The following DAB1 variants were observed in gnomAD, a reference collection of about 807,000 sequenced individuals.
DAB1 encodes DAB adaptor protein 1.
In DAB1, 15 loss-of-function variants were observed where a neutral mutation model predicts 64.6. The ratio of observed to expected loss-of-function variants is 0.23; its 90% confidence interval spans 0.16 to 0.36. The LOEUF (loss-of-function observed/expected upper bound fraction) is 0.36. DAB1 is among the 10% of genes least tolerant of loss of function. The pLI, the probability that DAB1 is intolerant of heterozygous loss-of-function variation, is 1.00. For missense variants in DAB1, 596 were observed against 706.7 expected, an observed-to-expected ratio of 0.84 and a Z score of 1.78; for synonymous variants, 235 against 251.9, an observed-to-expected ratio of 0.93 and a Z score of 0.64.
rs1031631310 is a variant in DAB1 at position 58,481,322 on chromosome 1, G to A, written n.257+24738C>T. 27 of 382,132 alleles carry A rather than the reference G, an allele frequency of 7.1e-5. 1 individual carries two copies. The highest frequency in any genetic ancestry group is 1.1e-4 in the Non-Finnish European group (25 of 219,500). The allele number at this position is 382,132 out of a possible 1,614,324, so 23.7% of individuals were successfully genotyped here. A position where few individuals can be genotyped will look rare whatever the true frequency, so the allele number is the denominator to read the frequency against. ...GGTATCTTGATTATAACACATAAAA[G>A]AGAACCACTGAAAAATCTACAGTGA... On this transcript the variant is annotated intron_variant and non_coding_transcript_variant, in intron 3 of 20. Coordinates refer to the DAB1 transcript ENST00000485760.
intron 7 of DAB1, among the ~76,000 whole-genome samples, chr1:57,504,657 G>T (rs887883992): frequency 2.6e-5 from 4 of 152,272 alleles, no homozygotes; most frequent in African/African-American, 9.6e-5. Context: ...TACTCCTTAA[G>T]TGTGGGCTGG....
At chr1:57,815,008 T>G (rs2101889077) in intron 6 of DAB1, among the ~76,000 whole-genome samples, 2 of 152,334 alleles carry the variant, frequency 1.3e-5, no homozygotes, top group Admixed American at 1.3e-4. Flanking sequence ...GTCTGGAAAT[T>G]AGTTTCCTGG....
At chr1:57,039,585 T>G (rs1030375921) in intron 9 of DAB1, among the ~76,000 whole-genome samples, 1 of 152,216 alleles carries the variant, frequency 6.6e-6, no homozygotes, top group Non-Finnish European at 1.5e-5. Context: ...AAGGCTGGAC[T>G]GTTCTAGGAG....
chr1:58,254,111 C>T (rs377169256), intron 4 of DAB1, among the ~76,000 whole-genome samples: 1 of 151,564 alleles, frequency 6.6e-6, no homozygotes, highest in Admixed American at 6.6e-5. Flanking sequence ...ACCACATTCA[C>T]TTCAGATCCA....
At chr1:57,923,662 A>C (rs1013999540) in intron 5 of DAB1, among the ~76,000 whole-genome samples, 1 of 152,224 alleles carries the variant, frequency 6.6e-6, no homozygotes, top group African/African-American at 2.4e-5. Context: ...GAAGGAACAA[A>C]AGCAGGGAAT....
At chr1:57,748,219 A>C (rs1052639278) in intron 6 of DAB1, among the ~76,000 whole-genome samples, 4 of 152,208 alleles carry the variant, frequency 2.6e-5, no homozygotes, top group African/African-American at 9.6e-5. Flanking sequence ...CCTTGCCCCA[A>C]TACTAAACTT....
At position 58,219,021 on chromosome 1, in the gene DAB1, C is replaced by G. The variant is rs1328037273; in HGVS notation, n.310-68433G>C. 1.3e-3 allele frequency among the ~76,000 whole-genome samples: 160 copies of G among 125,728 alleles called. 1 individual carries two copies. Among genetic ancestry groups the G allele is most frequent in the African/African-American group, 4.6e-3 (154 of 33,266 alleles). 82.5% of individuals were successfully genotyped at this position (125,728 alleles called of 152,430 possible). A position where few individuals can be genotyped will look rare whatever the true frequency, so the allele number is the denominator to read the frequency against. ...TCTCTCTCTCTCTCTCTCTCTCTCT[C>G]TCTCTGTGTGTGTGTGTGTGTGTTT... is the stretch of plus-strand genomic sequence containing the variant. On this transcript the variant is annotated intron_variant and non_coding_transcript_variant, in intron 4 of 20. Transcript: ENST00000485760.
chr1:58,385,361 A>G (rs1644424421), intron 3 of DAB1, among the ~76,000 whole-genome samples: 1 of 152,198 alleles, frequency 6.6e-6, no homozygotes, highest in East Asian at 1.9e-4. Context: ...TTACTCTTGC[A>G]TGTGTATGCT....
Position 57,071,006 on chromosome 1 carries a change from C to A in DAB1, c.597+17G>T. 6.2e-7 allele frequency: 1 copy of A among 1,608,258 alleles called. No homozygotes were observed. Among genetic ancestry groups the A allele is most frequent in the South Asian group, 1.1e-5 (1 of 91,000 alleles). ...GTCACTCTTGAATCTAAAACCCCGA[C>A]TAGTTTCAGAAATTACCTGGTACAC... On this transcript the variant is annotated intron_variant, in intron 7 of 14. Coordinates refer to ENST00000371236, the MANE Select transcript of DAB1 (RefSeq NM_001365792.1).
At chr1:58,193,083 T>C (rs1657478212) in intron 4 of DAB1, among the ~76,000 whole-genome samples, 1 of 152,344 alleles carries the variant, frequency 6.6e-6, no homozygotes, top group Admixed American at 6.5e-5. Context: ...TGTTGAAATT[T>C]AGTCACTAAT....
At chr1:57,812,335 A>AAAAG (rs1394772635) in intron 6 of DAB1, among the ~76,000 whole-genome samples, 9 of 77,634 alleles carry the variant, frequency 1.2e-4, no homozygotes, top group South Asian at 4.5e-4. Flanking sequence ...AAAAAAAAAA[A>AAAAG]AAAGAAAGAA....
At chr1:57,536,519 A>G (rs995502230) in intron 7 of DAB1, among the ~76,000 whole-genome samples, 2 of 152,148 alleles carry the variant, frequency 1.3e-5, no homozygotes, top group South Asian at 2.1e-4. Flanking sequence ...GGTTCCCAAC[A>G]AAAAGAGGCC....
At chr1:58,417,800 T>C (rs1048033684) in intron 3 of DAB1, among the ~76,000 whole-genome samples, 7 of 152,182 alleles carry the variant, frequency 4.6e-5, no homozygotes, top group African/African-American at 1.7e-4. Context: ...TAGCAAGCAA[T>C]GGGTGAGTTC....
At chr1:57,725,611 T>C (rs774329120) in intron 6 of DAB1, among the ~76,000 whole-genome samples, 1 of 152,124 alleles carries the variant, frequency 6.6e-6, no homozygotes, top group Non-Finnish European at 1.5e-5. Flanking sequence ...CTTGGGAACA[T>C]TGTATCAGAT....
intron 6 of DAB1, among the ~76,000 whole-genome samples, chr1:57,698,104 TA>T (rs1338926558): frequency 1.3e-5 from 2 of 151,716 alleles, no homozygotes; most frequent in African/African-American, 4.8e-5. Flanking sequence ...TTTTTTTTTT[TA>T]GACAGGGTCT....
chr1:57,232,572 TA>T (rs1200470503), intron 2 of DAB1, among the ~76,000 whole-genome samples: 1 of 152,116 alleles, frequency 6.6e-6, no homozygotes, highest in Non-Finnish European at 1.5e-5. Flanking sequence ...AGAGATTATT[TA>T]AATGCACTCT....
chr1:57,786,127 A>C (rs915668557), intron 6 of DAB1, among the ~76,000 whole-genome samples: 3 of 152,188 alleles, frequency 2.0e-5, no homozygotes, highest in Non-Finnish European at 4.4e-5. Flanking sequence ...TTTTAGCAAC[A>C]AAGTATTTTC....
chr1:57,502,967 T>C (rs1037274836), intron 7 of DAB1, among the ~76,000 whole-genome samples: 2 of 152,214 alleles, frequency 1.3e-5, no homozygotes, highest in Admixed American at 1.3e-4. Flanking sequence ...TCTTCTCCTT[T>C]TAACAATCTC....
chr1:58,184,536 A>C (rs1226412856), intron 4 of DAB1, among the ~76,000 whole-genome samples: 1 of 152,136 alleles, frequency 6.6e-6, no homozygotes, highest in African/African-American at 2.4e-5. Context: ...CAGGTACACT[A>C]TCCAAATACA....
Sources: gnomAD v4.1 joint callset for allele counts (sites outside exome capture counted in the v4.1 genomes callset) on GRCh38, gnomAD v4.1.1 for gene constraint, MANE v1.5 for transcripts, NCBI Gene and HGNC (gene_info 2026-07-23, HGNC 2026-07-21) for gene names.